Variants in PIR observed in about 807,000 individuals in gnomAD.
PIR encodes the protein pirin, also known as pirin (iron-binding nuclear protein).
Under a neutral mutation model 24.2 loss-of-function variants are expected in PIR, and 22 were observed. The ratio of observed to expected loss-of-function variants is 0.91; its 90% CI spans 0.65 to 1.30. PIR has a LOEUF of 1.30. PIR is among the 50% of genes most tolerant of loss of function. The pLI, the probability that PIR is intolerant of heterozygous loss-of-function variation, is 0.00. For synonymous variants in PIR, 80 were observed against 79.6 expected (o/e 1.00, Z -0.03); for missense variants, 220 against 220.3 (o/e 1.00, Z 0.01).
intron 5 of PIR, among the ~76,000 whole-genome samples, chrX:15,434,411 A>AAAGGAGGAGG (rs1346060014): frequency 9.8e-6 from 1 of 101,571 alleles, no homozygotes; most frequent in Non-Finnish European, 2.0e-5. Context: ...TAGGAACGAA[A>AAAGGAGGAGG]AAGGAGGAGG....
At chrX:15,406,743 C>A (rs150823439) in intron 7 of PIR, among the ~76,000 whole-genome samples, 2,078 of 111,307 alleles carry the variant, frequency 0.019, 50 homozygotes, top group African/African-American at 0.064. Context: ...AGGAGGAGAC[C>A]CAGGCAGGAA....
chrX:15,424,356 C>T (rs116787727), intron 6 of PIR, among the ~76,000 whole-genome samples: 1,473 of 111,694 alleles, frequency 0.013, 27 homozygotes, highest in African/African-American at 0.045. Context: ...AAGTGGATCT[C>T]ATAAAGATCT....
At chrX:15,407,434 TC>T (rs1569195737) in intron 7 of PIR, 71 bp downstream of exon 7, 1 of 783,326 alleles carries the variant, frequency 1.3e-6, no homozygotes, top group East Asian at 3.1e-5. Flanking sequence ...AATGGTGTCA[TC>T]CTACCTTTTC....
chrX:15,486,178 A>G lies in PIR; in HGVS notation c.96+4984T>C, dbSNP rs750904327. On this transcript the variant is annotated intron_variant, in intron 2 of 9. Coordinates refer to ENST00000380420, the MANE Select transcript of PIR (RefSeq NM_001018109.3). ...AGACCAGCCTGGCCAACATAGTGAAACCCTGTCTCTACTAAAAATACAAAA... is the reference window on the plus strand; with the variant it reads ...AGACCAGCCTGGCCAACATAGTGAAGCCCTGTCTCTACTAAAAATACAAAA... 5.2e-3 allele frequency among the ~76,000 whole-genome samples: 555 copies of G among 107,720 alleles called. 4 individuals carry two copies. Among genetic ancestry groups the G allele is most frequent in the African/African-American group, 0.017 (512 of 29,388 alleles). 93.5% of individuals were successfully genotyped at this position (107,720 alleles called of 115,157 possible). A position where few individuals can be genotyped will look rare whatever the true frequency, so the allele number is the denominator to read the frequency against.
At chrX:15,462,283 T>C (rs974831400) in intron 3 of PIR, among the ~76,000 whole-genome samples, 2 of 112,441 alleles carry the variant, frequency 1.8e-5, no homozygotes, top group East Asian at 5.5e-4. Context: ...ATTTGAAATA[T>C]ATAATTTAGC....
intron 5 of PIR, among the ~76,000 whole-genome samples, chrX:15,438,923 G>A (rs943833506): frequency 9.0e-6 from 1 of 111,539 alleles, no homozygotes; most frequent in Non-Finnish European, 1.9e-5. Context: ...CAAACCAGAA[G>A]GGCAGGGAAT....
chrX:15,452,097 C>T (rs1019813362), intron 5 of PIR, among the ~76,000 whole-genome samples: 1 of 111,863 alleles, frequency 8.9e-6, no homozygotes, highest in Non-Finnish European at 1.9e-5. Context: ...GATTGCCTTT[C>T]TCTAACCCCA....
intron 6 of PIR, among the ~76,000 whole-genome samples, chrX:15,411,401 T>C (rs1217612408): frequency 8.9e-6 from 1 of 111,884 alleles, no homozygotes; most frequent in Non-Finnish European, 1.9e-5. Context: ...TAGTGAGAGC[T>C]TTCCTCAGCC....
At position 15,491,224 on chromosome X, in the gene PIR, G is replaced by A; in HGVS notation, c.34C>T (p.Leu12Phe). ...ACCCCTTCCGACTGCTCCCGGCTGA[G>A]CACTGAGAGAGTAACTTTCTTGGAG... ...GSSKKVTLSV[L>F]SREQSEGVGA... The change falls in exon 2 of 10, where the codon CTC becomes TTC. Residue 12 changes from leucine to phenylalanine, a missense_variant. Physicochemically the swap from Leu to Phe is conservative, Grantham distance 22 (BLOSUM62 0). Coordinates refer to ENST00000380420, the MANE Select transcript of PIR (RefSeq NM_001018109.3). The A allele has an allele frequency of 2.5e-6, 3 of 1,206,333 alleles. No homozygotes were observed. The highest frequency in any genetic ancestry group is 3.4e-6 in the Non-Finnish European group (3 of 891,814).
chrX:15,455,362 G>A (rs1273143919), intron 5 of PIR, among the ~76,000 whole-genome samples: 1 of 112,649 alleles, frequency 8.9e-6, no homozygotes. Flanking sequence ...TGGACAAATT[G>A]TCAAGTTAAA....
chrX:15,413,841 G>A (rs1034804182), intron 6 of PIR, among the ~76,000 whole-genome samples: 41 of 111,686 alleles, frequency 3.7e-4, no homozygotes, highest in African/African-American at 1.2e-3. Context: ...ACTACAGGCT[G>A]TTTATAAGCC....
intron 8 of PIR, among the ~76,000 whole-genome samples, 197 bp from the exon 9 acceptor site, chrX:15,390,448 A>C (rs1289965920): frequency 1.8e-5 from 2 of 111,693 alleles, no homozygotes; most frequent in Admixed American, 1.9e-4. Context: ...GTAGAACTCA[A>C]GAATAAGTCC....
At chrX:15,460,191 T>C (rs912350702) in intron 3 of PIR, among the ~76,000 whole-genome samples, 2 of 111,481 alleles carry the variant, frequency 1.8e-5, no homozygotes, top group Admixed American at 1.9e-4. Context: ...ATGGAGGTTC[T>C]TCAAAAGATG....
At chrX:15,388,193 GC>G (rs1385237236) in intron 9 of PIR, among the ~76,000 whole-genome samples, 1 of 112,123 alleles carries the variant, frequency 8.9e-6, no homozygotes, top group Non-Finnish European at 1.9e-5. Flanking sequence ...AGCCTCTGAA[GC>G]CCCCCTCTTG....
intron 5 of PIR, among the ~76,000 whole-genome samples, chrX:15,441,169 C>A (rs747807087): frequency 9.0e-6 from 1 of 111,487 alleles, no homozygotes; most frequent in East Asian, 2.8e-4. Flanking sequence ...CTTATTCTAC[C>A]CAAGCAAAGC....
chrX:15,397,660 C>A, intron 7 of PIR, 129 bp from the exon 8 acceptor site: 2 of 433,063 alleles, frequency 4.6e-6, no homozygotes, highest in South Asian at 8.8e-5. Context: ...TAGTAATTCC[C>A]TTGAATCTCT....
At chrX:15,392,155 G>A (rs1453196140) in intron 8 of PIR, among the ~76,000 whole-genome samples, 2 of 111,271 alleles carry the variant, frequency 1.8e-5, no homozygotes, top group East Asian at 5.6e-4. Context: ...AGTGACCCCA[G>A]AGAAACCGGC....
intron 6 of PIR, among the ~76,000 whole-genome samples, chrX:15,424,254 C>A (rs1471433222): frequency 1.8e-5 from 2 of 112,027 alleles, no homozygotes; most frequent in Non-Finnish European, 3.8e-5. Context: ...GAAATCCTGT[C>A]ATCTGCAGCA....
chrX:15,442,587 AAGG>A (rs1925953071), intron 5 of PIR, among the ~76,000 whole-genome samples: 2 of 112,336 alleles, frequency 1.8e-5, no homozygotes, highest in East Asian at 2.8e-4. Flanking sequence ...TTGGGAATGC[AAGG>A]GAAAAGTTTC....
Sources: gnomAD v4.1 joint callset for allele counts (sites outside exome capture counted in the v4.1 genomes callset) on GRCh38, gnomAD v4.1.1 for gene constraint, MANE v1.5 for transcripts, NCBI Gene and HGNC (gene_info 2026-07-23, HGNC 2026-07-21) for gene names.